BBS9: variants seen among roughly 807,000 people sequenced by gnomAD.
The protein encoded by BBS9 is Bardet-Biedl syndrome 9, also known as protein PTHB1.
BBS9 carries 89 observed loss-of-function variants against 117.7 expected under a neutral mutation model. That is an observed-to-expected ratio of 0.76 (90% CI 0.64 to 0.90). The LOEUF (loss-of-function observed/expected upper bound fraction) is 0.90. Among genes scored for constraint, BBS9 ranks in the 40% least tolerant of loss-of-function variants. The probability of loss-of-function intolerance (pLI) is 0.00; values close to 1 mark genes in which losing one functional copy is unlikely to be tolerated. For missense variants in BBS9, 982 were observed against 1,042.2 expected (o/e 0.94, Z 0.80); for synonymous variants, 379 against 370.9 (o/e 1.02, Z -0.25).
intron 19 of BBS9, among the ~76,000 whole-genome samples, chr7:33,433,596 G>A (rs1041399798): frequency 2.0e-5 from 3 of 152,128 alleles, no homozygotes; most frequent in African/African-American, 7.2e-5. Context: ...AGTGCCATCG[G>A]CATTAGTATT....
rs552601829 is a variant in BBS9, at chr7:33,349,293, T to C, written c.1432+123T>C. Reference sequence around the variant, plus strand: ...GAGATTGGGATCGTCCCAAAATCAATGATTGTGTTGTTTTGCTTATATTTT... The same window carrying C: ...GAGATTGGGATCGTCCCAAAATCAACGATTGTGTTGTTTTGCTTATATTTT... On this transcript the variant is annotated intron_variant, in intron 13 of 22. Coordinates refer to ENST00000242067, the MANE Select transcript of BBS9 (RefSeq NM_198428.3). The C allele has an allele frequency of 6.4e-5, 48 of 748,262 alleles. No homozygotes were observed. The African/African-American group carries it at 6.9e-4, about 11-fold the overall frequency. 46.4% of individuals were successfully genotyped at this position (748,262 alleles called of 1,614,324 possible).
At chr7:33,188,609 T>C (rs1317505670) in intron 5 of BBS9, among the ~76,000 whole-genome samples, 2 of 152,142 alleles carry the variant, frequency 1.3e-5, no homozygotes, top group Non-Finnish European at 2.9e-5. Flanking sequence ...GAGCATGGTG[T>C]CATGGAAGGA....
intron 21 of BBS9, among the ~76,000 whole-genome samples, chr7:33,625,684 T>G (rs1027992550): frequency 6.6e-6 from 1 of 152,232 alleles, no homozygotes; most frequent in African/African-American, 2.4e-5. Flanking sequence ...ATGATTTTTA[T>G]GTCTGTTAGT....
intron 5 of BBS9, among the ~76,000 whole-genome samples, chr7:33,253,642 C>T (rs1051779122): frequency 1.3e-5 from 2 of 152,080 alleles, no homozygotes; most frequent in Admixed American, 1.3e-4. Flanking sequence ...TTATTTCTGT[C>T]GTGTTTAACC....
chr7:33,612,141 C>T (rs576140786), intron 21 of BBS9, among the ~76,000 whole-genome samples: 72 of 113,752 alleles, frequency 6.3e-4, no homozygotes, highest in African/African-American at 5.2e-3. Context: ...GATCTCTAGT[C>T]GTTAAGTGAG....
intron 21 of BBS9, among the ~76,000 whole-genome samples, chr7:33,574,680 A>G (rs1238338183): frequency 7.8e-6 from 1 of 128,334 alleles, no homozygotes; most frequent in Non-Finnish European, 1.7e-5. Flanking sequence ...TGGAAGTCAT[A>G]GAAAACACAC....
chr7:33,267,936 C>A (rs1267136200), intron 7 of BBS9, among the ~76,000 whole-genome samples: 2 of 151,978 alleles, frequency 1.3e-5, no homozygotes, highest in Non-Finnish European at 1.5e-5. Flanking sequence ...ATATACTGTT[C>A]TTGAGGTTAT....
intron 19 of BBS9, chr7:33,390,251 G>A: frequency 1.0e-6 from 1 of 985,298 alleles, no homozygotes; most frequent in Non-Finnish European, 1.2e-6. Flanking sequence ...AATGGTGGAA[G>A]GGCATTTAAA....
intron 19 of BBS9, among the ~76,000 whole-genome samples, chr7:33,399,746 AT>A (rs1828604519): frequency 1.3e-5 from 2 of 152,160 alleles, no homozygotes; most frequent in Non-Finnish European, 2.9e-5. Flanking sequence ...TTTGTTAGGT[AT>A]ACTGTAATGA....
At chr7:33,624,382 G>A (rs919920415) in intron 21 of BBS9, among the ~76,000 whole-genome samples, 11 of 152,090 alleles carry the variant, frequency 7.2e-5, no homozygotes, top group African/African-American at 2.4e-4. Context: ...TAGAAGCCAA[G>A]GATTGCTAGT....
intron 9 of BBS9, among the ~76,000 whole-genome samples, chr7:33,335,910 A>T (rs1815258640): frequency 6.6e-6 from 1 of 152,104 alleles, no homozygotes; most frequent in Non-Finnish European, 1.5e-5. Context: ...AGGGAAAAGG[A>T]TGAGGAAAGA....
intron 19 of BBS9, among the ~76,000 whole-genome samples, chr7:33,470,548 TA>T (rs1840862079): frequency 6.6e-6 from 1 of 152,200 alleles, no homozygotes; most frequent in Non-Finnish European, 1.5e-5. Context: ...TTTGTTCCTC[TA>T]TTGATATGTA....
At chr7:33,569,823 T>A (rs1857501537) in intron 21 of BBS9, among the ~76,000 whole-genome samples, 1 of 152,150 alleles carries the variant, frequency 6.6e-6, no homozygotes, top group South Asian at 2.1e-4. Flanking sequence ...TGCATGCACA[T>A]GCATACATAA....
chr7:33,153,189 G>C (rs1008812294), intron 3 of BBS9, among the ~76,000 whole-genome samples: 1 of 152,138 alleles, frequency 6.6e-6, no homozygotes, highest in Non-Finnish European at 1.5e-5. Context: ...ATAATTAGAT[G>C]AAGTAGCAGA....
At chr7:33,272,738 T>A (rs1268715384) in intron 7 of BBS9, among the ~76,000 whole-genome samples, 1 of 152,206 alleles carries the variant, frequency 6.6e-6, no homozygotes, top group East Asian at 1.9e-4. Context: ...TTCATGGAAG[T>A]TTTTTAGGGA....
At chr7:33,341,249 A>T (rs1584407035) in intron 11 of BBS9, among the ~76,000 whole-genome samples, 1 of 152,134 alleles carries the variant, frequency 6.6e-6, no homozygotes, top group African/African-American at 2.4e-5. Flanking sequence ...AATCCTACTT[A>T]AAAAAATTTT....
intron 20 of BBS9, among the ~76,000 whole-genome samples, chr7:33,527,332 C>T (rs946506901): frequency 2.8e-4 from 43 of 152,090 alleles, no homozygotes; most frequent in Non-Finnish European, 5.3e-4. Flanking sequence ...CAATGGTGGG[C>T]GCCCCTCCCC....
At chr7:33,547,543 A>C (rs76259254) in intron 21 of BBS9, among the ~76,000 whole-genome samples, 2,218 of 152,286 alleles carry the variant, frequency 0.015, 45 homozygotes, top group East Asian at 0.053. Context: ...TTTTTTTAAA[A>C]AGGAAAGCTT....
At chr7:33,255,597 T>C (rs537724413) in intron 5 of BBS9, among the ~76,000 whole-genome samples, 2 of 152,320 alleles carry the variant, frequency 1.3e-5, no homozygotes, top group South Asian at 2.1e-4. Context: ...TAGTGGGACC[T>C]GGGAATCCTA....
Sources: allele counts gnomAD v4.1 joint callset (sites outside exome capture counted in the v4.1 genomes callset), GRCh38; gene constraint gnomAD v4.1.1; transcripts MANE v1.5; gene names NCBI Gene and HGNC (gene_info 2026-07-23, HGNC 2026-07-21).